The following ELFN1 variants were observed in gnomAD, a reference collection of about 807,000 sequenced individuals.
The protein encoded by ELFN1 is protein ELFN1.
ELFN1 carries 6 observed loss-of-function variants against 7.6 expected under a neutral mutation model. The ratio of observed to expected loss-of-function variants is 0.79; its 90% CI spans 0.43 to 1.56. The LOEUF (loss-of-function observed/expected upper bound fraction) is 1.56. ELFN1 is among the 40% of genes most tolerant of loss of function. ELFN1 has a pLI of 0.01. For synonymous variants in ELFN1, 657 were observed against 588.1 expected, an observed-to-expected ratio of 1.12 and a Z score of -1.70; for missense variants, 1,169 against 1,232.2, an observed-to-expected ratio of 0.95 and a Z score of 0.77.
chr7:1,704,388 A>C (rs748361071), intron 2 of ELFN1, among the ~76,000 whole-genome samples: 1 of 152,112 alleles, frequency 6.6e-6, no homozygotes, highest in African/African-American at 2.4e-5. Flanking sequence ...TGGAGAACCT[A>C]CAATACACAC....
At chr7:1,687,466 T>C (rs1017074827) in intron 1 of ELFN1, among the ~76,000 whole-genome samples, 7 of 152,074 alleles carry the variant, frequency 4.6e-5, no homozygotes, top group Non-Finnish European at 8.8e-5. Context: ...TACTTGTATC[T>C]CAGAAGCCCC....
At chr7:1,704,162 C>T (rs1441621020) in intron 2 of ELFN1, among the ~76,000 whole-genome samples, 1 of 152,186 alleles carries the variant, frequency 6.6e-6, no homozygotes, top group African/African-American at 2.4e-5. Flanking sequence ...GTTACGGCTG[C>T]CACTCAGGAG....
In ELFN1 at chr7:1,722,265, C is replaced by CTTTTTTT. The variant is rs35253681; in HGVS notation, c.-294+13026_-294+13032dup. On this transcript the variant is annotated intron_variant, in intron 3 of 3. Coordinates refer to ENST00000424383, the MANE Select transcript of ELFN1 (RefSeq NM_001128636.4). ...CACAGCTAGCCCAATTTAGGAGCCA[C>CTTTTTTT]TTTTTTTTTTTTTTTTTTTGAGATG... Among the ~76,000 whole-genome samples, 52 of 135,256 alleles carry CTTTTTTT rather than the reference C, an allele frequency of 3.8e-4. No individual in the cohort carries two copies. The South Asian group carries it at 0.012, about 31-fold the overall frequency. The allele number at this position is 135,256 out of a possible 152,430, so 88.7% of individuals were successfully genotyped here. A position where few individuals can be genotyped will look rare whatever the true frequency, so the allele number is the denominator to read the frequency against.
chr7:1,726,813 G>A (rs943311922), intron 3 of ELFN1, among the ~76,000 whole-genome samples: 1 of 152,180 alleles, frequency 6.6e-6, no homozygotes, highest in Non-Finnish European at 1.5e-5. Context: ...GGGCTGGGAT[G>A]CCTCCTCCAC....
rs1408847118 is a variant in ELFN1, at chr7:1,746,662, T to C, written c.2066T>C (p.Val689Ala). 8 of 1,375,284 alleles carry C rather than the reference T, an allele frequency of 5.8e-6. No individual in the cohort carries two copies. The East Asian group carries it at 1.3e-4, about 22-fold the overall frequency. 85.2% of individuals were successfully genotyped at this position (1,375,284 alleles called of 1,614,324 possible). A position where few individuals can be genotyped will look rare whatever the true frequency, so the allele number is the denominator to read the frequency against. ...AILTVTPAAA[V>A]LRAEAEKGRQ... The stretch of plus-strand genomic sequence containing the variant: ...CTCACTGTGACACCCGCGGCCGCCG[T>C]GCTGCGGGCCGAGGCCGAGAAGGGT... The change falls in exon 4 of 4, where the codon GTG (valine) becomes GCG (alanine). Residue 689 changes from valine to alanine, a missense_variant. Around this residue, in one of 2 missense-constraint regions of ELFN1, gnomAD observed 914 missense variants for 872.6 expected, o/e 1.05. Coordinates refer to ENST00000424383, the MANE Select transcript of ELFN1 (RefSeq NM_001128636.4).
chr7:1,717,042 G>A (rs988177614), intron 3 of ELFN1, among the ~76,000 whole-genome samples: 1 of 152,228 alleles, frequency 6.6e-6, no homozygotes, highest in African/African-American at 2.4e-5. Flanking sequence ...GCATGCAGGA[G>A]GGAGGAGGGG....
intron 1 of ELFN1, among the ~76,000 whole-genome samples, chr7:1,675,293 C>T (rs562328415): frequency 2.4e-4 from 37 of 152,312 alleles, no homozygotes; most frequent in African/African-American, 8.7e-4. Context: ...TTCTCACCAG[C>T]GCTGGACATG....
At chr7:1,728,381 C>T (rs1458999451) in intron 3 of ELFN1, among the ~76,000 whole-genome samples, 1 of 152,254 alleles carries the variant, frequency 6.6e-6, no homozygotes, top group African/African-American at 2.4e-5. Flanking sequence ...TTAATGTTTG[C>T]TGTGTTATTA....
rs554764994 is a variant in ELFN1 at position 1,695,829 on chromosome 7, C to T, written c.-456+7679C>T. On this transcript the variant is annotated intron_variant, in intron 2 of 3. Coordinates refer to ENST00000424383, the MANE Select transcript of ELFN1 (RefSeq NM_001128636.4). The surrounding 1 kb of genome is among the most constrained non-coding windows in gnomAD (Gnocchi z 5.1). ...CATTTATTCACAAACATTTACTCAG[C>T]AAATCTTGTTGGGCCCGCCAGGCCC... is the stretch of plus-strand genomic sequence containing the variant. Among the ~76,000 whole-genome samples, 12 of 151,154 alleles carry T rather than the reference C, an allele frequency of 7.9e-5. No individual in the cohort carries two copies. The highest frequency in any genetic ancestry group is 4.2e-4 in the South Asian group (2 of 4,774).
chr7:1,737,065 C>T (rs991162558), intron 3 of ELFN1, among the ~76,000 whole-genome samples: 1 of 152,178 alleles, frequency 6.6e-6, no homozygotes, highest in African/African-American at 2.4e-5. Flanking sequence ...CTGGACACCC[C>T]ACACTCCCTG....
chr7:1,745,719 A>G lies in ELFN1; in HGVS notation c.1123A>G (p.Thr375Ala). Residue 375 changes from threonine to alanine, a missense_variant, in exon 4 of 4, where the codon ACC becomes GCC. This residue lies in a region of ELFN1 where 914 missense variants were observed against 872.6 expected (regional missense o/e 1.05). Coordinates refer to ENST00000424383, the MANE Select transcript of ELFN1 (RefSeq NM_001128636.4). The part of the protein sequence containing the change: ...EIRLTNLFTL[T>A]NYTYCVVSTS... ...CCGTCTGACCAACCTGTTCACGCTC[A>G]CCAACTACACCTACTGCGTGGTGTC... is the stretch of plus-strand genomic sequence containing the variant. The G allele has an allele frequency of 6.4e-7, 1 of 1,551,406 alleles. No homozygotes were observed. Among genetic ancestry groups the G allele is most frequent in the Non-Finnish European group, 8.7e-7 (1 of 1,147,026 alleles).
At chr7:1,726,464 G>C (rs1780200260) in intron 3 of ELFN1, among the ~76,000 whole-genome samples, 1 of 152,190 alleles carries the variant, frequency 6.6e-6, no homozygotes, top group African/African-American at 2.4e-5. Flanking sequence ...ACCACGCCAA[G>C]TCCCTCCCCA....
intron 3 of ELFN1, among the ~76,000 whole-genome samples, chr7:1,725,114 CCAGAAGTGGGG>C (rs915276027): frequency 1.3e-5 from 2 of 152,232 alleles, no homozygotes; most frequent in African/African-American, 2.4e-5. Flanking sequence ...AAGGGGTCTC[CCAGAAGTGGGG>C]CAGAGGCCAG....
upstream of ELFN1, among the ~76,000 whole-genome samples, chr7:1,666,684 G>A (rs1019513829): frequency 1.3e-5 from 2 of 151,760 alleles, no homozygotes; most frequent in African/African-American, 4.8e-5. This position sits in a 1 kb window ranked among gnomAD's most constrained non-coding sequence, Gnocchi z 7.9. Context: ...GGGTAGCCGC[G>A]GCGCCCCAAG....
intron 1 of ELFN1, among the ~76,000 whole-genome samples, chr7:1,675,843 G>A (rs1036681845): frequency 6.6e-6 from 1 of 152,206 alleles, no homozygotes; most frequent in African/African-American, 2.4e-5. Context: ...GATACCCACA[G>A]CACAGCTGCC....
chr7:1,702,885 G>C (rs1158049664), intron 2 of ELFN1, among the ~76,000 whole-genome samples: 1 of 150,822 alleles, frequency 6.6e-6, no homozygotes, highest in African/African-American at 2.5e-5. Context: ...AAGTATCCTT[G>C]TGTTGCTCTT....
At chr7:1,710,682 G>T (rs1779630682) in intron 3 of ELFN1, among the ~76,000 whole-genome samples, 1 of 152,242 alleles carries the variant, frequency 6.6e-6, no homozygotes, top group African/African-American at 2.4e-5. Context: ...ACAGGCCAGT[G>T]TTCGTTTCTC....
chr7:1,712,634 G>A (rs1320287515), intron 3 of ELFN1, among the ~76,000 whole-genome samples: 2 of 151,400 alleles, frequency 1.3e-5, no homozygotes, highest in African/African-American at 4.9e-5. Flanking sequence ...GTTTCGCCAT[G>A]TTGGCCAGGC....
chr7:1,681,795 G>A (rs1474361764), intron 1 of ELFN1, among the ~76,000 whole-genome samples: 4 of 152,178 alleles, frequency 2.6e-5, no homozygotes, highest in Non-Finnish European at 5.9e-5. Flanking sequence ...ATCTTCAGGC[G>A]GATGTGTAAT....
Sources: gnomAD v4.1 joint callset for allele counts (sites outside exome capture counted in the v4.1 genomes callset) on GRCh38, gnomAD v4.1.1 for gene constraint, gnomAD v4.1.1 regional missense constraint, Gnocchi (gnomAD v3.1) non-coding constraint, MANE v1.5 for transcripts, NCBI Gene and HGNC (gene_info 2026-07-23, HGNC 2026-07-21) for gene names.